PPP3CA: variants seen among roughly 807,000 people sequenced by gnomAD.
PPP3CA encodes the protein protein phosphatase 3 catalytic subunit alpha, also known as CAM-PRP catalytic subunit.
PPP3CA carries 14 observed loss-of-function variants against 66.5 expected under a neutral mutation model. The observed-to-expected ratio is 0.21, with a 90% CI of 0.14 to 0.33. The LOEUF is 0.33. Ranked by LOEUF, PPP3CA falls within the 10% of genes least tolerant of loss-of-function variation. PPP3CA has a pLI of 1.00. For synonymous variants in PPP3CA, 232 were observed against 226.2 expected (o/e 1.03, Z -0.23); for missense variants, 317 against 639.5 (o/e 0.50, Z 5.44).
chr4:101,132,328 A>C (rs934660875), intron 2 of PPP3CA, among the ~76,000 whole-genome samples: 3 of 152,168 alleles, frequency 2.0e-5, no homozygotes, highest in African/African-American at 4.8e-5. Context: ...GGTTTTTTGA[A>C]AAGATTAAGA....
chr4:101,322,975 G>C (rs1380563296), intron 1 of PPP3CA, among the ~76,000 whole-genome samples: 1 of 152,080 alleles, frequency 6.6e-6, no homozygotes, highest in Non-Finnish European at 1.5e-5. Flanking sequence ...GTGTATATAT[G>C]TATCAATGTA....
intron 2 of PPP3CA, among the ~76,000 whole-genome samples, chr4:101,183,010 A>T (rs1197460322): frequency 1.3e-5 from 2 of 152,158 alleles, no homozygotes; most frequent in East Asian, 3.8e-4. Context: ...TAAATTGCCC[A>T]GTCTCTGGTA....
intron 3 of PPP3CA, among the ~76,000 whole-genome samples, chr4:101,101,318 C>T (rs1333952748): frequency 1.3e-5 from 2 of 152,088 alleles, no homozygotes; most frequent in Non-Finnish European, 2.9e-5. Context: ...GCTGTACTTA[C>T]ATGTTTCAAT....
chr4:101,261,738 G>A (rs995103234), intron 1 of PPP3CA, among the ~76,000 whole-genome samples: 3 of 151,902 alleles, frequency 2.0e-5, no homozygotes, highest in Non-Finnish European at 4.4e-5. Context: ...AATTAACTGT[G>A]AGCTCTGCAA....
intron 1 of PPP3CA, among the ~76,000 whole-genome samples, chr4:101,257,205 G>A (rs893158279): frequency 2.0e-5 from 3 of 151,972 alleles, no homozygotes; most frequent in African/African-American, 7.3e-5. Flanking sequence ...TTCTTCTAGT[G>A]AAGGGGTGTT....
intron 2 of PPP3CA, among the ~76,000 whole-genome samples, chr4:101,130,786 C>T (rs997543401): frequency 6.6e-5 from 10 of 152,268 alleles, no homozygotes; most frequent in Non-Finnish European, 1.0e-4. Flanking sequence ...ATTGCAAAAA[C>T]AAACCAAAAT....
chr4:101,230,972 T>G (rs189593616), intron 1 of PPP3CA, among the ~76,000 whole-genome samples: 1 of 151,860 alleles, frequency 6.6e-6, no homozygotes, highest in East Asian at 1.9e-4. Flanking sequence ...AATCTGTCTT[T>G]CATGAATCAC....
intron 1 of PPP3CA, among the ~76,000 whole-genome samples, chr4:101,320,412 G>C (rs182415898): frequency 6.7e-6 from 1 of 148,240 alleles, no homozygotes. Context: ...CATAGCTATG[G>C]CATAGCTTGA....
intron 1 of PPP3CA, among the ~76,000 whole-genome samples, chr4:101,303,766 C>G (rs562897533): frequency 2.0e-5 from 3 of 152,104 alleles, no homozygotes; most frequent in Non-Finnish European, 4.4e-5. Context: ...ATCGTGAGTA[C>G]ATAAAAATGT....
Position 101,040,509 on chromosome 4 carries a change from T to G in PPP3CA, c.1214A>C (p.Lys405Thr). 6.2e-7 allele frequency: 1 copy of G among 1,613,468 alleles called. No individual in the cohort carries two copies. Among genetic ancestry groups the G allele is most frequent in the Non-Finnish European group, 8.5e-7 (1 of 1,179,786 alleles). Reference protein sequence around the residue: ...VIRNKIRAIGKMARVFSVLRE... With the variant: ...VIRNKIRAIGTMARVFSVLRE... ...GAGCACTGAGAACACTCTGGCCATT[T>G]TGCCTATTGCTCGGATCTTGTTCCT... The change falls in exon 11 of 14, where the codon AAA (lysine) becomes ACA (threonine). Residue 405 changes from lysine to threonine, a missense_variant. Lys to Thr is a moderately conservative substitution (Grantham distance 78). Coordinates refer to ENST00000394854, the MANE Select transcript of PPP3CA (RefSeq NM_000944.5).
chr4:101,112,867 C>T (rs1444251802), intron 2 of PPP3CA, among the ~76,000 whole-genome samples: 2 of 152,096 alleles, frequency 1.3e-5, no homozygotes, highest in Non-Finnish European at 1.5e-5. Context: ...GATAACTTGT[C>T]AGTCTTGTCC....
intron 1 of PPP3CA, among the ~76,000 whole-genome samples, chr4:101,294,554 C>T (rs1244990974): frequency 6.9e-6 from 1 of 145,898 alleles, no homozygotes; most frequent in East Asian, 2.0e-4. Context: ...ATATTAAGGC[C>T]TATATTTGTC....
intron 1 of PPP3CA, among the ~76,000 whole-genome samples, chr4:101,217,582 C>T (rs1725496410): frequency 6.6e-6 from 1 of 152,104 alleles, no homozygotes; most frequent in Non-Finnish European, 1.5e-5. Context: ...GGGCATTTCA[C>T]TTCACTTCTC....
At chr4:101,053,170 G>C (rs147444402) in intron 10 of PPP3CA, among the ~76,000 whole-genome samples, 2 of 152,118 alleles carry the variant, frequency 1.3e-5, no homozygotes, top group Admixed American at 1.3e-4. Flanking sequence ...TATTAGAATA[G>C]GGCACACTGA....
At chr4:101,118,521 C>CA (rs1298325837) in intron 2 of PPP3CA, among the ~76,000 whole-genome samples, 4 of 151,936 alleles carry the variant, frequency 2.6e-5, no homozygotes, top group Non-Finnish European at 4.4e-5. Context: ...CTTCTTCACT[C>CA]AGATTTTTTT....
chr4:101,027,263 A>G (rs199638066), intron 13 of PPP3CA, among the ~76,000 whole-genome samples: 1,462 of 82,452 alleles, frequency 0.018, 21 homozygotes, highest in African/African-American at 0.062. Flanking sequence ...TTTGGGGGGG[A>G]AAAAAAAAAA....
intron 1 of PPP3CA, among the ~76,000 whole-genome samples, chr4:101,272,669 G>A (rs528318878): frequency 4.1e-4 from 62 of 152,232 alleles, no homozygotes; most frequent in African/African-American, 1.5e-3. Context: ...GGACAATAAT[G>A]TTATCTACCT....
chr4:101,061,620 A>AG (rs1728463809), intron 9 of PPP3CA, among the ~76,000 whole-genome samples: 2 of 152,120 alleles, frequency 1.3e-5, no homozygotes, highest in African/African-American at 4.8e-5. Context: ...TGTGTTTAAT[A>AG]CAAACTGTTG....
chr4:101,108,879 C>T (rs1721544043), intron 3 of PPP3CA, 75 bp downstream of exon 3: 1 of 1,437,406 alleles, frequency 7.0e-7, no homozygotes, highest in Non-Finnish European at 9.6e-7. Context: ...AAGGCAATAA[C>T]ATTTACTGCT....
Sources: gnomAD v4.1 joint callset for allele counts (sites outside exome capture counted in the v4.1 genomes callset) on GRCh38, gnomAD v4.1.1 for gene constraint, MANE v1.5 for transcripts, NCBI Gene and HGNC (gene_info 2026-07-23, HGNC 2026-07-21) for gene names.